Variants in NFXL1 observed in about 807,000 individuals in gnomAD.
NFXL1 encodes nuclear transcription factor, X-box binding like 1.
A neutral mutation model predicts 123.3 loss-of-function variants in NFXL1; 66 were observed. The observed-to-expected ratio is 0.54, with a 90% confidence interval of 0.44 to 0.66. The LOEUF (loss-of-function observed/expected upper bound fraction) is 0.66. Among genes scored for constraint, NFXL1 ranks in the 30% least tolerant of loss-of-function variants. The pLI, the probability that NFXL1 is intolerant of heterozygous loss-of-function variation, is 0.00. For synonymous variants in NFXL1, 346 were observed against 360.8 expected, an observed-to-expected ratio of 0.96 and a Z score of 0.46; for missense variants, 944 against 1,125.6, an observed-to-expected ratio of 0.84 and a Z score of 2.31.
intron 22 of NFXL1, 60 bp from the exon 23 acceptor site, chr4:47,848,396 C>A: frequency 1.5e-6 from 2 of 1,300,958 alleles, no homozygotes; most frequent in South Asian, 1.4e-5. Context: ...TGAAAGTTTC[C>A]ATTTACATAA....
chr4:47,870,893 T>C (rs1328584652), intron 18 of NFXL1, among the ~76,000 whole-genome samples: 1 of 152,222 alleles, frequency 6.6e-6, no homozygotes, highest in Non-Finnish European at 1.5e-5. Context: ...AGAACCAGTT[T>C]AAAGACACTC....
At chr4:47,912,873 C>T (rs898210716) in intron 2 of NFXL1, among the ~76,000 whole-genome samples, 2 of 149,322 alleles carry the variant, frequency 1.3e-5, no homozygotes, top group African/African-American at 4.9e-5. Context: ...ATTAGCCAGG[C>T]GTGGTGGCAG....
In NFXL1 at chr4:47,898,791, C is replaced by G; in HGVS notation, c.1055G>C (p.Arg352Thr). The G allele has an allele frequency of 6.2e-7, 1 of 1,613,614 alleles. No homozygotes were observed. The highest frequency in any genetic ancestry group is 2.2e-5 in the East Asian group (1 of 44,870). The stretch of plus-strand genomic sequence containing the variant: ...GTGCCATAGTGGACTTGCACAACTT[C>G]TTTCAGCTACTTTTTTGCCACAGAC... ...KCVCGKKVAE[R>T]SCASPLWHCD... Residue 352 changes from arginine to threonine, a missense_variant, in exon 8 of 23, where the codon AGA becomes ACA. Transcript: ENST00000507489.
Position 47,897,856 on chromosome 4 carries a change from T to C in NFXL1, c.1204+111A>G, listed in dbSNP as rs1177584927. The C allele has an allele frequency of 4.9e-6, 3 of 618,544 alleles. No individual in the cohort carries two copies. The African/African-American group carries it at 5.6e-5, about 12-fold the overall frequency. The allele number at this position is 618,544 out of a possible 1,614,324, so 38.3% of individuals were successfully genotyped here. ...AATTTTGTAGCTTTTTCAGACTGGC[T>C]TCTTTCATTTAGTAATATGCACTTA... On this transcript the variant is annotated intron_variant, in intron 9 of 22. Coordinates refer to ENST00000507489, the MANE Select transcript of NFXL1 (RefSeq NM_001278624.2).
rs1735821074 is a variant in NFXL1, at chr4:47,877,457, T to C, written c.2079+1068A>G. Among the ~76,000 whole-genome samples, 2 of 152,120 alleles carry C rather than the reference T, an allele frequency of 1.3e-5. 1 individual carries two copies. Among genetic ancestry groups the C allele is most frequent in the Non-Finnish European group, 2.9e-5 (2 of 67,966 alleles). On this transcript the variant is annotated intron_variant, in intron 17 of 22. Coordinates refer to ENST00000507489, the MANE Select transcript of NFXL1 (RefSeq NM_001278624.2). ...ATCCACAATAAATCTCTAATAGTCA[T>C]ATCAGCTTTGAAAATAAGCTTTTTC...
intron 10 of NFXL1, 89 bp from the exon 11 acceptor site, chr4:47,894,391 G>C (rs1039560003): frequency 1.1e-6 from 1 of 922,990 alleles, no homozygotes; most frequent in Non-Finnish European, 1.5e-6. Flanking sequence ...AAAACATAAT[G>C]AACAAAAATT....
intron 18 of NFXL1, among the ~76,000 whole-genome samples, chr4:47,865,488 G>GAGA (rs1387934066): frequency 5.4e-4 from 69 of 127,234 alleles, no homozygotes; most frequent in South Asian, 3.3e-3. Context: ...CTATAACTAG[G>GAGA]AAAAAAAAAA....
intron 20 of NFXL1, among the ~76,000 whole-genome samples, chr4:47,852,860 G>GT (rs1734203343): frequency 6.6e-6 from 1 of 151,792 alleles, no homozygotes; most frequent in South Asian, 2.1e-4. Flanking sequence ...TCAGACTCTA[G>GT]TTTTTTGTTC....
rs1736097804 is a variant in NFXL1, at chr4:47,881,206, T to C, written c.1917-2089A>G. Reference sequence around the variant, plus strand: ...TAGCTAGAAAAGAGGATACTGAATGTTCCCAAAACAAAGAAATGGTGTCTG... The same window carrying C: ...TAGCTAGAAAAGAGGATACTGAATGCTCCCAAAACAAAGAAATGGTGTCTG... On this transcript the variant is annotated intron_variant, in intron 15 of 22. Transcript: ENST00000507489. Among the ~76,000 whole-genome samples, 4 of 152,262 alleles carry C rather than the reference T, an allele frequency of 2.6e-5. No homozygotes were observed. In the South Asian group the frequency reaches 8.3e-4, roughly 32 times the overall value.
intron 18 of NFXL1, among the ~76,000 whole-genome samples, chr4:47,873,671 G>A (rs926839380): frequency 2.6e-5 from 4 of 152,186 alleles, no homozygotes; most frequent in Admixed American, 2.0e-4. Context: ...GCACAGACTA[G>A]ATTTAGCATA....
intron 18 of NFXL1, among the ~76,000 whole-genome samples, chr4:47,872,198 TCA>T (rs1294514067): frequency 6.6e-6 from 1 of 152,188 alleles, no homozygotes; most frequent in East Asian, 1.9e-4. Flanking sequence ...GCATGGTGGC[TCA>T]CCCCTGTAAT....
intron 2 of NFXL1, among the ~76,000 whole-genome samples, chr4:47,912,694 A>G (rs1737894356): frequency 2.1e-5 from 3 of 144,086 alleles, no homozygotes. Flanking sequence ...TCCTGACCTC[A>G]TGATCTGCCC....
intron 12 of NFXL1, among the ~76,000 whole-genome samples, chr4:47,887,867 G>A (rs6844286): frequency 0.73 from 111,671 of 152,022 alleles, 41,252 homozygotes; most frequent in South Asian, 0.76. Flanking sequence ...TCAAAATGAA[G>A]AAATAGCATA....
At chr4:47,897,146 C>T (rs1040205493) in intron 9 of NFXL1, among the ~76,000 whole-genome samples, 1 of 151,944 alleles carries the variant, frequency 6.6e-6, no homozygotes, top group Admixed American at 6.6e-5. Context: ...CCCATCTCTA[C>T]AAAAAATTTT....
chr4:47,875,681 C>T (rs540913327), intron 17 of NFXL1, among the ~76,000 whole-genome samples: 8 of 152,232 alleles, frequency 5.3e-5, no homozygotes, highest in African/African-American at 1.7e-4. Flanking sequence ...ATAATCAACA[C>T]TGAACTAAAG....
rs1311442914 is a variant in NFXL1, at chr4:47,875,170, T to C, written c.2203A>G (p.Ile735Val). 3.7e-6 allele frequency: 6 copies of C among 1,612,682 alleles called. No individual in the cohort carries two copies. Among genetic ancestry groups the C allele is most frequent in the Non-Finnish European group, 5.1e-6 (6 of 1,178,882 alleles). ...ECPPCVQMLR[I>V]KCHCKITSLY... ...CTTGTGATCTTACAGTGACATTTTATTCTAAGCATCTGAACACAAGGTGGA... is the reference window on the plus strand; with the variant it reads ...CTTGTGATCTTACAGTGACATTTTACTCTAAGCATCTGAACACAAGGTGGA... The change falls in exon 18 of 23, where the codon ATA becomes GTA. Residue 735 changes from isoleucine to valine, a missense_variant. Ile to Val is a conservative substitution (Grantham distance 29). Around this residue, in one of 4 missense-constraint regions of NFXL1, gnomAD observed 301 missense variants for 348.0 expected, o/e 0.86. Coordinates refer to ENST00000507489, the MANE Select transcript of NFXL1 (RefSeq NM_001278624.2).
intron 3 of NFXL1, among the ~76,000 whole-genome samples, chr4:47,905,659 G>A (rs761512407): frequency 2.1e-5 from 3 of 141,454 alleles, no homozygotes; most frequent in Non-Finnish European, 4.6e-5. Context: ...GCAGCAAGAT[G>A]TAAAGTCTTA....
intron 18 of NFXL1, among the ~76,000 whole-genome samples, chr4:47,871,245 C>T (rs1220253665): frequency 6.6e-6 from 1 of 150,936 alleles, no homozygotes; most frequent in South Asian, 2.1e-4. Flanking sequence ...CCCAGCTACG[C>T]GGGAGGCTGA....
intron 19 of NFXL1, among the ~76,000 whole-genome samples, chr4:47,859,003 G>T (rs1734572751): frequency 6.6e-6 from 1 of 152,162 alleles, no homozygotes; most frequent in South Asian, 2.1e-4. Flanking sequence ...CTGAAAAGTA[G>T]TTACAAAGAA....
Sources: allele counts gnomAD v4.1 joint callset (sites outside exome capture counted in the v4.1 genomes callset), GRCh38; gene constraint gnomAD v4.1.1; regional missense constraint gnomAD v4.1.1; transcripts MANE v1.5; gene names NCBI Gene and HGNC (gene_info 2026-07-23, HGNC 2026-07-21).